PAICS: variants seen among roughly 807,000 people sequenced by gnomAD.
The protein encoded by PAICS is phosphoribosylaminoimidazole carboxylase and phosphoribosylaminoimidazolesuccinocarboxamide synthase, also known as bifunctional phosphoribosylaminoimidazole carboxylase/phosphoribosylaminoimidazole succinocarboxamide synthetase.
PAICS carries 33 observed loss-of-function variants against 53.7 expected under a neutral mutation model. The observed-to-expected ratio is 0.61, with a 90% CI of 0.47 to 0.82. The LOEUF (loss-of-function observed/expected upper bound fraction) is 0.82, where lower values mean the gene tolerates loss of function less well. PAICS is among the 40% of genes least tolerant of loss of function. The probability of loss-of-function intolerance (pLI) is 0.00; values close to 1 mark genes in which losing one functional copy is unlikely to be tolerated. For missense variants in PAICS, 394 were observed against 494.1 expected (o/e 0.80, Z 1.92); for synonymous variants, 141 against 167.2 (o/e 0.84, Z 1.21).
At position 56,461,989 on chromosome 4, in the gene PAICS, C is replaced by G. The variant is rs948206545; in HGVS notation, c.*2451C>G. ...AAAGCTTCATTCAGTATCCATTCAC[C>G]CAATACTGGTTTGATTCTAGGGCCT... is the stretch of plus-strand genomic sequence containing the variant. On this transcript the variant is annotated 3_prime_UTR_variant, in exon 9 of 9. Transcript: ENST00000512576. The G allele has an allele frequency of 6.6e-6, 1 of 152,134 alleles. No homozygotes were observed. Among genetic ancestry groups the G allele is most frequent in the Non-Finnish European group, 1.5e-5 (1 of 68,024 alleles). 9.4% of individuals were successfully genotyped at this position (152,134 alleles called of 1,614,324 possible). A position where few individuals can be genotyped will look rare whatever the true frequency, so the allele number is the denominator to read the frequency against.
the PAICS span, among the ~76,000 whole-genome samples, chr4:56,412,475 A>T: frequency 6.6e-6 from 1 of 152,010 alleles, no homozygotes; most frequent in Admixed American, 6.5e-5. Context: ...ATGCCTGGCT[A>T]ATTTTTTGTG....
At chr4:56,424,104 T>A in the PAICS span, among the ~76,000 whole-genome samples, 1 of 152,246 alleles carries the variant, frequency 6.6e-6, no homozygotes, top group Non-Finnish European at 1.5e-5. Context: ...AAATTGGAGT[T>A]GCTATTATTA....
chr4:56,417,147 C>G, the PAICS span, among the ~76,000 whole-genome samples: 1 of 152,314 alleles, frequency 6.6e-6, no homozygotes, highest in Admixed American at 6.5e-5. Flanking sequence ...CTGCACCCGG[C>G]CGCTTCTAAT....
chr4:56,436,027 C>A, upstream of PAICS: 1 of 1,525,596 alleles, frequency 6.6e-7, no homozygotes, highest in Non-Finnish European at 8.8e-7. Context: ...CGCCACTTTT[C>A]GCCTGTCCGG....
At chr4:56,436,164 A>C (rs962246398), upstream of PAICS, 4 of 1,496,398 alleles carry the variant, frequency 2.7e-6, no homozygotes, top group Middle Eastern at 2.4e-4. Context: ...CCTCCGGGTT[A>C]GGCGGCTGTA....
At position 56,459,768 on chromosome 4, in the gene PAICS, T is replaced by C; in HGVS notation, c.*230T>C. ...AGCCTTTATCATTCCTCTTACTTTA[T>C]CCTTTTTCCTTAAGTATTGGTGGTC... On this transcript the variant is annotated 3_prime_UTR_variant, in exon 9 of 9. Coordinates refer to ENST00000512576, the MANE Select transcript of PAICS (RefSeq NM_001079524.2). 1 of 407,182 alleles carries C rather than the reference T, an allele frequency of 2.5e-6. No homozygotes were observed. The highest frequency in any genetic ancestry group is 3.9e-5 in the Admixed American group (1 of 25,498). The allele number at this position is 407,182 out of a possible 1,614,324, so 25.2% of individuals were successfully genotyped here.
chr4:56,435,578 C>G, upstream of PAICS: 2 of 1,583,128 alleles, frequency 1.3e-6, no homozygotes, highest in Non-Finnish European at 1.7e-6. Context: ...CTCGCGCTCG[C>G]GACAGGCTCT....
At chr4:56,453,119 G>A (rs1283314480) in intron 7 of PAICS, among the ~76,000 whole-genome samples, 6 of 152,142 alleles carry the variant, frequency 3.9e-5, no homozygotes, top group African/African-American at 1.4e-4. Flanking sequence ...ATGTATCAAA[G>A]GGCCTTAAAA....
rs372215434 is a variant in PAICS, at chr4:56,438,850, A to C, written c.16+2522A>C. 5.3e-5 allele frequency among the ~76,000 whole-genome samples: 8 copies of C among 152,320 alleles called. No homozygotes were observed. The East Asian group carries it at 1.5e-3, about 29-fold the overall frequency. Reference sequence around the variant, plus strand: ...AATGCAGTATATATTTTAACAAATGACATTTCAACTTGTAATAGCCACATT... The same window carrying C: ...AATGCAGTATATATTTTAACAAATGCCATTTCAACTTGTAATAGCCACATT... On this transcript the variant is annotated intron_variant, in intron 1 of 8. Coordinates refer to ENST00000512576, the MANE Select transcript of PAICS (RefSeq NM_001079524.2).
Position 56,453,776 on chromosome 4 carries a change from AT to A in PAICS, c.1111+20del, listed in dbSNP as rs1719047172. The A allele has an allele frequency of 6.6e-7, 1 of 1,522,484 alleles. No individual in the cohort carries two copies. Among genetic ancestry groups the A allele is most frequent in the Middle Eastern group, 1.7e-4 (1 of 5,796 alleles). 94.3% of individuals were successfully genotyped at this position (1,522,484 alleles called of 1,614,324 possible). A position where few individuals can be genotyped will look rare whatever the true frequency, so the allele number is the denominator to read the frequency against. ...ACTACCCAGTGGTAAGATACATTGA[AT>A]TTTTAAAAACTGTTCATTACAAGCA... On this transcript the variant is annotated intron_variant, in intron 8 of 8. Coordinates refer to ENST00000512576, the MANE Select transcript of PAICS (RefSeq NM_001079524.2).
the PAICS span, among the ~76,000 whole-genome samples, chr4:56,429,235 G>A: frequency 6.6e-6 from 1 of 152,320 alleles, no homozygotes; most frequent in East Asian, 1.9e-4. Flanking sequence ...AGAAAAAAGA[G>A]TGAGAGTAAC....
chr4:56,435,998 G>A (rs1717911304), upstream of PAICS: 1 of 1,526,604 alleles, frequency 6.6e-7, no homozygotes, highest in African/African-American at 1.4e-5. Context: ...CCGCAGAGTG[G>A]GGAGGGGCCG....
At chr4:56,421,019 G>A in the PAICS span, 1 of 152,240 alleles carries the variant, frequency 6.6e-6, no homozygotes, top group Non-Finnish European at 1.5e-5. Context: ...GGGTTGCACA[G>A]CAGGAGGTGA....
At chr4:56,436,452 GGGCGCACACGTGGCCCA>G in intron 1 of PAICS, 124 bp downstream of exon 1, 1 of 840,254 alleles carries the variant, frequency 1.2e-6, no homozygotes, top group South Asian at 1.4e-5. Flanking sequence ...GCAGCCGCGC[GGGCGCACACGTGGCCCA>G]GGCGCTCCCG....
rs1479718376 is a variant in PAICS at position 56,460,600 on chromosome 4, C to T, written c.*1062C>T. Reference sequence around the variant, plus strand: ...GCTGTTGACCCTCTCTGTAGAAAACCGCACACATAAAACTTACCAACAGAT... The same window carrying T: ...GCTGTTGACCCTCTCTGTAGAAAACTGCACACATAAAACTTACCAACAGAT... On this transcript the variant is annotated 3_prime_UTR_variant, in exon 9 of 9. Coordinates refer to ENST00000512576, the MANE Select transcript of PAICS (RefSeq NM_001079524.2). 6.6e-6 allele frequency: 1 copy of T among 152,168 alleles called. No homozygotes were observed. The highest frequency in any genetic ancestry group is 1.9e-4 in the East Asian group (1 of 5,196). 9.4% of individuals were successfully genotyped at this position (152,168 alleles called of 1,614,324 possible).
chr4:56,455,479 G>A (rs764310988), intron 8 of PAICS, among the ~76,000 whole-genome samples: 16 of 152,040 alleles, frequency 1.1e-4, no homozygotes, highest in Non-Finnish European at 2.1e-4. Context: ...CATAATTTTG[G>A]AGACTCATTT....
chr4:56,443,531 C>G (rs1462187377), intron 2 of PAICS, among the ~76,000 whole-genome samples: 3 of 152,162 alleles, frequency 2.0e-5, no homozygotes, highest in Non-Finnish European at 4.4e-5. Flanking sequence ...TTAACTCTCC[C>G]CATTCACTTA....
intron 6 of PAICS, chr4:56,450,967 G>C (rs895530224): frequency 2.9e-5 from 8 of 271,256 alleles, no homozygotes; most frequent in African/African-American, 1.1e-4. Flanking sequence ...ACAGGCGCTG[G>C]CCACCACGCC....
Position 56,464,057 on chromosome 4 carries a change from C to T in PAICS, c.*4519C>T, listed in dbSNP as rs1437532274. 6.6e-6 allele frequency: 1 copy of T among 152,194 alleles called. No individual in the cohort carries two copies. The highest frequency in any genetic ancestry group is 2.4e-5 in the African/African-American group (1 of 41,444). 9.4% of individuals were successfully genotyped at this position (152,194 alleles called of 1,614,324 possible). Reference sequence around the variant, plus strand: ...TGGTCCTCAGGCCTTCAGACTAGGACTTAACGTTATTGCCTCCCCTGATTC... The same window carrying T: ...TGGTCCTCAGGCCTTCAGACTAGGATTTAACGTTATTGCCTCCCCTGATTC... On this transcript the variant is annotated 3_prime_UTR_variant, in exon 9 of 9. Coordinates refer to ENST00000512576, the MANE Select transcript of PAICS (RefSeq NM_001079524.2).
Sources: gnomAD v4.1 joint callset for allele counts (sites outside exome capture counted in the v4.1 genomes callset) on GRCh38, gnomAD v4.1.1 for gene constraint, MANE v1.5 for transcripts, NCBI Gene and HGNC (gene_info 2026-07-23, HGNC 2026-07-21) for gene names.